Variants in DISP1 observed in about 807,000 individuals in gnomAD.
DISP1 encodes the protein dispatched RND transporter family member 1.
In DISP1, 30 loss-of-function variants were observed where a neutral mutation model predicts 37.3. The ratio of observed to expected loss-of-function variants is 0.80; its 90% confidence interval spans 0.60 to 1.09. The LOEUF is 1.09. Among genes scored for constraint, DISP1 ranks in the 50% least tolerant of loss-of-function variants. DISP1 has a pLI of 0.00. For missense variants in DISP1, 1,598 were observed against 1,879.5 expected (o/e 0.85, Z 2.77); for synonymous variants, 634 against 690.2 (o/e 0.92, Z 1.28).
At chr1:222,880,454 C>T (rs927354900) in intron 1 of DISP1, among the ~76,000 whole-genome samples, 3 of 152,086 alleles carry the variant, frequency 2.0e-5, no homozygotes, top group Non-Finnish European at 4.4e-5. Flanking sequence ...TGTGATCACA[C>T]CTCTAAACTC....
intron 4 of DISP1, among the ~76,000 whole-genome samples, chr1:222,987,337 G>A (rs1233003020): frequency 1.3e-5 from 2 of 152,180 alleles, no homozygotes; most frequent in African/African-American, 4.8e-5. Flanking sequence ...GAATGATTGG[G>A]CTTTCCCCCA....
At chr1:222,903,806 C>G (rs551708418) in intron 1 of DISP1, among the ~76,000 whole-genome samples, 1 of 152,172 alleles carries the variant, frequency 6.6e-6, no homozygotes, top group Non-Finnish European at 1.5e-5. Context: ...GTATCAGATA[C>G]CTAAGCCATT....
At chr1:222,920,589 G>C (rs1328100440) in intron 1 of DISP1, among the ~76,000 whole-genome samples, 2 of 152,116 alleles carry the variant, frequency 1.3e-5, no homozygotes, top group Non-Finnish European at 2.9e-5. Flanking sequence ...TTGAATTCCA[G>C]TGTGAAATCC....
Position 223,003,371 on chromosome 1 carries a change from G to T in DISP1, c.1974G>T (p.Leu658=), listed in dbSNP as rs1413784645. The T allele has an allele frequency of 6.2e-7, 1 of 1,614,080 alleles. No homozygotes were observed. The highest frequency in any genetic ancestry group is 1.1e-5 in the South Asian group (1 of 91,078). Residue 658 remains leucine, a synonymous_variant, in exon 9 of 9, where the codon CTG becomes CTT. Transcript: ENST00000675850. The surrounding 1 kb of genome is among the most constrained non-coding windows in gnomAD (Gnocchi z 4.3). ...MVTWLPAVVV[L]HERYLLNIFT... Reference sequence around the variant, plus strand: ...CATGGCTTCCAGCAGTTGTTGTGCTGCATGAGCGGTATCTTCTTAATATAT... The same window carrying T: ...CATGGCTTCCAGCAGTTGTTGTGCTTCATGAGCGGTATCTTCTTAATATAT...
At chr1:222,979,237 A>G (rs1677642935) in intron 3 of DISP1, among the ~76,000 whole-genome samples, 1 of 152,084 alleles carries the variant, frequency 6.6e-6, no homozygotes, top group Non-Finnish European at 1.5e-5. Flanking sequence ...GGGAGACCCC[A>G]CATCTACAAA....
chr1:223,001,244 A>G (rs1437948327), intron 8 of DISP1, among the ~76,000 whole-genome samples: 1 of 152,220 alleles, frequency 6.6e-6, no homozygotes, highest in Admixed American at 6.5e-5. Flanking sequence ...CATACTTGCT[A>G]ATGTGCAGCA....
chr1:222,848,887 T>C (rs1179152921), intron 1 of DISP1, among the ~76,000 whole-genome samples: 2 of 152,188 alleles, frequency 1.3e-5, no homozygotes, highest in Admixed American at 1.3e-4. Context: ...GGGATGAGAA[T>C]ACTTAAATAG....
chr1:222,943,297 G>T lies in DISP1; in HGVS notation c.474G>T (p.Gln158His). ...ATCATCCGTGGCCTGACCATTTTCA[G>T]CATCAGCCTGTGCAACAGCACATAG... ...CLHHPWPDHF[Q>H]HQPVQQHIAN... The change falls in exon 3 of 9, where the codon CAG becomes CAT. Residue 158 changes from glutamine (Q) to histidine (H), a missense_variant. Transcript: ENST00000675850. 6.2e-7 allele frequency: 1 copy of T among 1,614,200 alleles called. No individual in the cohort carries two copies. The highest frequency in any genetic ancestry group is 1.7e-5 in the Admixed American group (1 of 60,028).
intron 1 of DISP1, among the ~76,000 whole-genome samples, chr1:222,864,897 A>G (rs1669093241): frequency 6.6e-6 from 1 of 152,152 alleles, no homozygotes; most frequent in Non-Finnish European, 1.5e-5. Context: ...TTCCCAAATT[A>G]TATTATTAAC....
intron 1 of DISP1, among the ~76,000 whole-genome samples, chr1:222,873,638 T>A (rs1669727609): frequency 6.6e-6 from 1 of 152,200 alleles, no homozygotes; most frequent in African/African-American, 2.4e-5. Context: ...TAGATCTTCC[T>A]CCATCCCTTT....
intron 8 of DISP1, among the ~76,000 whole-genome samples, chr1:223,002,104 A>C (rs895337867): frequency 1.3e-5 from 2 of 152,150 alleles, no homozygotes; most frequent in Non-Finnish European, 2.9e-5. Context: ...CCTTTTGTAA[A>C]CAAAACTAGC....
intron 4 of DISP1, among the ~76,000 whole-genome samples, chr1:222,990,376 A>G (rs1678610173): frequency 6.6e-6 from 1 of 152,244 alleles, no homozygotes; most frequent in African/African-American, 2.4e-5. Context: ...CCTGTGGCAT[A>G]AAGTGCTACT....
chr1:222,856,973 G>A (rs1257324338), intron 1 of DISP1, among the ~76,000 whole-genome samples: 3 of 151,996 alleles, frequency 2.0e-5, no homozygotes, highest in Non-Finnish European at 4.4e-5. Context: ...CAAAGAGCTG[G>A]GATTACAGGT....
At chr1:222,992,153 C>G in intron 7 of DISP1, 43 bp downstream of exon 7, 1 of 1,468,290 alleles carries the variant, frequency 6.8e-7, no homozygotes, top group Non-Finnish European at 9.5e-7. Context: ...GCAGTTTGCT[C>G]GCATTTAAAA....
At position 222,987,046 on chromosome 1, in the gene DISP1, GAT is replaced by G. The variant is rs67964109; in HGVS notation, c.540-3561_540-3560del. 9.3e-3 allele frequency among the ~76,000 whole-genome samples: 1,360 copies of G among 145,656 alleles called. 14 individuals carry two copies. Among genetic ancestry groups the G allele is most frequent in the African/African-American group, 0.03 (1,199 of 39,698 alleles). On this transcript the variant is annotated intron_variant, in intron 4 of 8. Transcript: ENST00000675850. The stretch of plus-strand genomic sequence containing the variant: ...CAAAGAGAATAATGCACAGGATATG[GAT>G]ATATATATATATATATAGCATCATC...
At chr1:222,905,473 A>G (rs1353353071) in intron 1 of DISP1, among the ~76,000 whole-genome samples, 1 of 152,216 alleles carries the variant, frequency 6.6e-6, no homozygotes, top group Non-Finnish European at 1.5e-5. Flanking sequence ...AACAATATAT[A>G]GCATCACTGT....
chr1:222,938,828 C>G lies in DISP1; in HGVS notation c.-17-3979C>G, dbSNP rs1234834546. 2.0e-5 allele frequency among the ~76,000 whole-genome samples: 3 copies of G among 149,842 alleles called. No individual in the cohort carries two copies. In the East Asian group the frequency reaches 5.9e-4, roughly 30 times the overall value. ...AGGGATGATCTTTCTCTGTATGGGC[C>G]TTAGGGTTAACTCCTGATCTCAGAG... is the stretch of plus-strand genomic sequence containing the variant. On this transcript the variant is annotated intron_variant, in intron 2 of 8. Coordinates refer to ENST00000675850, the MANE Select transcript of DISP1 (RefSeq NM_001377229.1).
chr1:222,847,171 G>A (rs1026597169), intron 1 of DISP1, among the ~76,000 whole-genome samples: 1 of 152,102 alleles, frequency 6.6e-6, no homozygotes, highest in African/African-American at 2.4e-5. Context: ...TCCCAGGCAT[G>A]GCCAGTGGAA....
intron 3 of DISP1, among the ~76,000 whole-genome samples, chr1:222,955,204 A>C (rs942523184): frequency 4.6e-5 from 7 of 151,686 alleles, no homozygotes; most frequent in African/African-American, 1.5e-4. Flanking sequence ...CTCCTGCCTC[A>C]GCCTCTCGAG....
Sources: gnomAD v4.1 joint callset for allele counts (sites outside exome capture counted in the v4.1 genomes callset) on GRCh38, gnomAD v4.1.1 for gene constraint, Gnocchi (gnomAD v3.1) non-coding constraint, MANE v1.5 for transcripts, NCBI Gene and HGNC (gene_info 2026-07-23, HGNC 2026-07-21) for gene names.